KLRG2: variants seen among roughly 807,000 people sequenced by gnomAD.
The protein encoded by KLRG2 is killer cell lectin like receptor G2.
Under a neutral mutation model 35.4 loss-of-function variants are expected in KLRG2, and 39 were observed. The observed-to-expected ratio is 1.10, with a 90% confidence interval of 0.85 to 1.44. The LOEUF (loss-of-function observed/expected upper bound fraction) is 1.44. Ranked by LOEUF, KLRG2 falls within the 40% of genes most tolerant of loss-of-function variation. The probability of loss-of-function intolerance (pLI) is 0.00; values close to 1 mark genes in which losing one functional copy is unlikely to be tolerated. For missense variants in KLRG2, 632 were observed against 570.9 expected (o/e 1.11, Z -1.09); for synonymous variants, 283 against 265.8 (o/e 1.06, Z -0.63).
the KLRG2 span, among the ~76,000 whole-genome samples, chr7:139,447,325 G>A: frequency 6.6e-6 from 1 of 151,866 alleles, no homozygotes. Flanking sequence ...GGGCCATATG[G>A]TATGGCCTAT....
At chr7:139,428,012 CT>C in the KLRG2 span, among the ~76,000 whole-genome samples, 1 of 152,146 alleles carries the variant, frequency 6.6e-6, no homozygotes, top group Admixed American at 6.6e-5. Flanking sequence ...GTGAAAGGCT[CT>C]TTCTGGCATA....
At chr7:139,476,214 G>A (rs961554589) in intron 3 of KLRG2, among the ~76,000 whole-genome samples, 22 of 152,156 alleles carry the variant, frequency 1.4e-4, no homozygotes, top group African/African-American at 4.6e-4. Context: ...ACAAGCCTGG[G>A]CAAGGTGGCA....
chr7:139,462,064 T>C (rs1796577946), intron 3 of KLRG2, among the ~76,000 whole-genome samples: 1 of 152,220 alleles, frequency 6.6e-6, no homozygotes, highest in Non-Finnish European at 1.5e-5. Flanking sequence ...TGAATCTTGG[T>C]GCCATCTTTC....
At chr7:139,467,706 C>A (rs935054969) in intron 3 of KLRG2, among the ~76,000 whole-genome samples, 1 of 150,914 alleles carries the variant, frequency 6.6e-6, no homozygotes, top group African/African-American at 2.5e-5. Context: ...TGCGGAAGGC[C>A]GCAGGTTCCT....
At chr7:139,451,242 G>A (rs939406858), downstream of KLRG2, among the ~76,000 whole-genome samples, 1 of 152,248 alleles carries the variant, frequency 6.6e-6, no homozygotes, top group African/African-American at 2.4e-5. Flanking sequence ...GCTCACGCCT[G>A]TAACCCCAGC....
In KLRG2 at chr7:139,483,086, G is replaced by T. The variant is rs1182692676; in HGVS notation, c.557C>A (p.Ser186Ter). Residue 186 changes from serine (S) to a stop codon, truncating the protein, a stop_gained, in exon 1 of 5, where the codon TCG becomes TAG. Coordinates refer to ENST00000340940, the MANE Select transcript of KLRG2 (RefSeq NM_198508.4). LOFTEE classifies it high-confidence loss of function. ...PSQGGTWGRR[S>*]PLAAARTESG... Reference sequence around the variant, plus strand: ...CTCCGTCCGGGCTGCAGCCAGCGGCGAGCGGCGGCCCCACGTGCCGCCCTG... The same window carrying T: ...CTCCGTCCGGGCTGCAGCCAGCGGCTAGCGGCGGCCCCACGTGCCGCCCTG... The T allele has an allele frequency of 2.8e-6, 4 of 1,424,868 alleles. No homozygotes were observed. The South Asian group carries it at 4.4e-5, about 16-fold the overall frequency. 88.3% of individuals were successfully genotyped at this position (1,424,868 alleles called of 1,614,324 possible).
intron 3 of KLRG2, among the ~76,000 whole-genome samples, chr7:139,475,479 C>T (rs555868073): frequency 3.3e-5 from 5 of 150,318 alleles, no homozygotes; most frequent in African/African-American, 9.8e-5. Flanking sequence ...TGCAGTGAGA[C>T]GAGATTGCAC....
the KLRG2 span, among the ~76,000 whole-genome samples, chr7:139,429,396 T>A: frequency 2.0e-5 from 3 of 151,686 alleles, no homozygotes; most frequent in African/African-American, 7.3e-5. Context: ...CTTTTTTTTT[T>A]ATTGATCATT....
the KLRG2 span, among the ~76,000 whole-genome samples, chr7:139,428,209 A>G: frequency 6.6e-6 from 1 of 152,090 alleles, no homozygotes; most frequent in African/African-American, 2.4e-5. Context: ...TAAAAAACCG[A>G]TAGTTATCCA....
chr7:139,438,348 G>C, the KLRG2 span, among the ~76,000 whole-genome samples: 1 of 152,158 alleles, frequency 6.6e-6, no homozygotes, highest in Non-Finnish European at 1.5e-5. Context: ...CCTCCCACCT[G>C]AGTAACTGGG....
At chr7:139,475,354 AC>A in intron 3 of KLRG2, among the ~76,000 whole-genome samples, 1 of 151,978 alleles carries the variant, frequency 6.6e-6, no homozygotes, top group Middle Eastern at 3.4e-3. Flanking sequence ...ACATGGTGAA[AC>A]CCCGTCTCTA....
intron 3 of KLRG2, among the ~76,000 whole-genome samples, chr7:139,463,714 G>A (rs1007775285): frequency 6.6e-6 from 1 of 152,314 alleles, no homozygotes; most frequent in South Asian, 2.1e-4. Flanking sequence ...TCCGGCCCAA[G>A]GCTCTCTGAC....
intron 3 of KLRG2, among the ~76,000 whole-genome samples, chr7:139,467,096 C>T (rs2116454011): frequency 6.6e-6 from 1 of 152,204 alleles, no homozygotes; most frequent in South Asian, 2.1e-4. Flanking sequence ...CCCACAATAT[C>T]GCCCCTTACC....
chr7:139,454,041 G>A (rs1391960990), intron 4 of KLRG2, 70 bp downstream of exon 4: 2 of 975,004 alleles, frequency 2.1e-6, no homozygotes, highest in Non-Finnish European at 3.2e-6. Flanking sequence ...GAGCAGCAAG[G>A]AGGTGGAGTC....
Position 139,465,356 on chromosome 7 carries a change from C to G in KLRG2, c.1006-11142G>C, listed in dbSNP as rs545271903. On this transcript the variant is annotated intron_variant, in intron 3 of 4. Coordinates refer to ENST00000340940, the MANE Select transcript of KLRG2 (RefSeq NM_198508.4). ...ATGCAAGGGTCCTCCATCATTAATG[C>G]CTCTTTAATAAAAACTCTTCTCAAA... Among the ~76,000 whole-genome samples, 10 of 152,276 alleles carry G rather than the reference C, an allele frequency of 6.6e-5. No homozygotes were observed. In the East Asian group the frequency reaches 1.2e-3, roughly 18 times the overall value.
chr7:139,467,081 A>G (rs1029363761), intron 3 of KLRG2, among the ~76,000 whole-genome samples: 20 of 152,064 alleles, frequency 1.3e-4, no homozygotes, highest in African/African-American at 4.8e-4. Context: ...ACTCCTTTTA[A>G]CAACCCCACA....
At chr7:139,464,224 C>T (rs531015796) in intron 3 of KLRG2, among the ~76,000 whole-genome samples, 4 of 152,126 alleles carry the variant, frequency 2.6e-5, no homozygotes, top group Non-Finnish European at 5.9e-5. Context: ...ATTGATCATG[C>T]ACCCCTTACC....
In KLRG2 at chr7:139,454,166, A is replaced by T; in HGVS notation, c.1054T>A (p.Trp352Arg). The T allele has an allele frequency of 6.5e-7, 1 of 1,545,338 alleles. No individual in the cohort carries two copies. Among genetic ancestry groups the T allele is most frequent in the Non-Finnish European group, 8.7e-7 (1 of 1,144,628 alleles). The change falls in exon 4 of 5, where the codon TGG becomes AGG. Residue 352 changes from tryptophan to arginine, a missense_variant. Physicochemically the swap from Trp to Arg is moderately radical, Grantham distance 101 (BLOSUM62 -3). Coordinates refer to ENST00000340940, the MANE Select transcript of KLRG2 (RefSeq NM_198508.4). ...CAGTGCCAGCCCTGGGGGCCTCGCC[A>T]GGCCCCCACCCAGGAGTGCCTGGAG... is the stretch of plus-strand genomic sequence containing the variant. ...PVSRHSWVGA[W>R]RGPQGWHWID...
At chr7:139,454,316 C>A in intron 3 of KLRG2, 102 bp from the exon 4 acceptor site, 1 of 674,928 alleles carries the variant, frequency 1.5e-6, no homozygotes, top group Non-Finnish European at 2.6e-6. Flanking sequence ...GCTGGCCAAT[C>A]CAGAAGGATC....
Sources: allele counts gnomAD v4.1 joint callset (sites outside exome capture counted in the v4.1 genomes callset), GRCh38; gene constraint gnomAD v4.1.1; transcripts MANE v1.5; gene names NCBI Gene and HGNC (gene_info 2026-07-23, HGNC 2026-07-21).